Variants in FER observed in about 807,000 individuals in gnomAD.
FER encodes tyrosine-protein kinase Fer.
FER carries 63 observed loss-of-function variants against 111.0 expected under a neutral mutation model. That is an observed-to-expected ratio of 0.57 (90% confidence interval 0.46 to 0.70). FER has a LOEUF of 0.70. FER is among the 30% of genes least tolerant of loss of function. FER has a pLI of 0.00. For synonymous variants in FER, 327 were observed against 313.9 expected (o/e 1.04, Z -0.44); for missense variants, 914 against 954.0 (o/e 0.96, Z 0.55).
At position 109,142,914 on chromosome 5, in the gene FER, A is replaced by C. The variant is rs142862172; in HGVS notation, c.2049-37833A>C. Among the ~76,000 whole-genome samples the C allele has an allele frequency of 1.8e-3, 280 of 152,206 alleles. 1 individual carries two copies. The highest frequency in any genetic ancestry group is 6.2e-3 in the African/African-American group (256 of 41,532). On this transcript the variant is annotated intron_variant, in intron 17 of 19. Transcript: ENST00000281092. Reference sequence around the variant, plus strand: ...GTAGACGATACTGAGGAAGCCTAAAAATTTTACCTCTTCAATGTTAGGGAG... The same window carrying C: ...GTAGACGATACTGAGGAAGCCTAAACATTTTACCTCTTCAATGTTAGGGAG...
chr5:109,055,881 A>C (rs1212905497), intron 16 of FER, among the ~76,000 whole-genome samples: 1 of 151,670 alleles, frequency 6.6e-6, no homozygotes, highest in Non-Finnish European at 1.5e-5. Flanking sequence ...AAAAACAAAA[A>C]CAAAACAACA....
intron 9 of FER, among the ~76,000 whole-genome samples, chr5:108,890,523 T>C (rs1481179836): frequency 1.3e-5 from 2 of 152,062 alleles, no homozygotes; most frequent in Non-Finnish European, 2.9e-5. Context: ...GAAGCTTTAC[T>C]CTAGTCTCTG....
Position 108,959,232 on chromosome 5 carries a change from A to G in FER, c.1541A>G (p.Tyr514Cys), listed in dbSNP as rs1283057918. The change falls in exon 13 of 20, where the codon TAT (tyrosine) becomes TGT (cysteine). Residue 514 changes from tyrosine (Y) to cysteine (C), a missense_variant. Tyr to Cys is a radical substitution (Grantham distance 194). Coordinates refer to ENST00000281092, the MANE Select transcript of FER (RefSeq NM_005246.4). ...TTATTGTTCTCTCTCCAGAACATGT[A>G]TCGATTCGAGGGCACTGGGTTTTCA... ...HFIIQYVDNMYRFEGTGFSNI... is the reference protein window; with the variant it reads ...HFIIQYVDNMCRFEGTGFSNI... The G allele has an allele frequency of 1.2e-6, 2 of 1,611,420 alleles. No individual in the cohort carries two copies. The highest frequency in any genetic ancestry group is 1.7e-6 in the Non-Finnish European group (2 of 1,178,470).
chr5:108,749,052 G>A lies in FER; in HGVS notation c.-206+1052G>A, dbSNP rs538181880. The A allele has an allele frequency of 2.1e-3, 318 of 152,162 alleles. 1 individual carries two copies. Among genetic ancestry groups the A allele is most frequent in the Non-Finnish European group, 3.2e-3 (221 of 68,362 alleles). 9.4% of individuals were successfully genotyped at this position (152,162 alleles called of 1,614,324 possible). On this transcript the variant is annotated intron_variant, in intron 1 of 19. Transcript: ENST00000281092. ...TGTTGCCCGGGGCAACGCGGGGGGA[G>A]GGGGGAAGAGGAGGGAAGGCAAGCC...
chr5:109,029,256 T>A (rs1390183196), intron 13 of FER, among the ~76,000 whole-genome samples: 4 of 148,776 alleles, frequency 2.7e-5, no homozygotes, highest in East Asian at 3.9e-4. Flanking sequence ...TTTTTTTTTT[T>A]ATTATTATAC....
chr5:109,003,093 T>A (rs1263267685), intron 13 of FER, among the ~76,000 whole-genome samples: 3 of 152,164 alleles, frequency 2.0e-5, no homozygotes, highest in African/African-American at 7.2e-5. Context: ...GAAATACCAT[T>A]TGACCCAGCC....
In FER at chr5:109,196,053, A is replaced by G. The variant is rs1257676526; in HGVS notation, c.*8478A>G. 4.6e-5 allele frequency: 7 copies of G among 152,228 alleles called. No homozygotes were observed. Among genetic ancestry groups the G allele is most frequent in the African/African-American group, 1.7e-4 (7 of 41,454 alleles). The allele number at this position is 152,228 out of a possible 1,614,324, so 9.4% of individuals were successfully genotyped here. A position where few individuals can be genotyped will look rare whatever the true frequency, so the allele number is the denominator to read the frequency against. ...CATATGGGAAAGCCCAGATGAAAAAATGGAAGAATAAAATCAAGTTGTCAA... is the reference window on the plus strand; with the variant it reads ...CATATGGGAAAGCCCAGATGAAAAAGTGGAAGAATAAAATCAAGTTGTCAA... On this transcript the variant is annotated 3_prime_UTR_variant, in exon 20 of 20. Transcript: ENST00000281092.
chr5:108,890,499 T>C (rs1747861891), intron 9 of FER, among the ~76,000 whole-genome samples: 1 of 152,028 alleles, frequency 6.6e-6, no homozygotes, highest in Non-Finnish European at 1.5e-5. Flanking sequence ...ATCCTTGACA[T>C]TTCTTGGTTT....
At chr5:108,921,234 TTTG>T (rs564225655) in intron 10 of FER, among the ~76,000 whole-genome samples, 93 of 152,310 alleles carry the variant, frequency 6.1e-4, no homozygotes, top group African/African-American at 2.0e-3. Flanking sequence ...TTATTACTAT[TTTG>T]TTGGTTAGAA....
At chr5:108,867,090 A>G (rs1452066957) in intron 5 of FER, among the ~76,000 whole-genome samples, 2 of 152,052 alleles carry the variant, frequency 1.3e-5, no homozygotes, top group Non-Finnish European at 2.9e-5. Context: ...GCTTATCTCT[A>G]TGTAACTTTG....
chr5:108,966,012 C>A (rs944916333), intron 13 of FER, among the ~76,000 whole-genome samples: 1 of 152,164 alleles, frequency 6.6e-6, no homozygotes, highest in Non-Finnish European at 1.5e-5. Context: ...AAACTCTCAT[C>A]CTCTACCAGC....
chr5:108,868,023 G>A (rs1445217814), intron 6 of FER, 73 bp downstream of exon 6: 1 of 1,411,392 alleles, frequency 7.1e-7, no homozygotes, highest in Non-Finnish European at 9.7e-7. Flanking sequence ...TCTAGTTTAG[G>A]TGTTGCTTCA....
Position 109,146,272 on chromosome 5 carries a change from ATAT to A in FER, c.2049-34474_2049-34472del, listed in dbSNP as rs1561954086. Among the ~76,000 whole-genome samples, 52 of 53,214 alleles carry A rather than the reference ATAT, an allele frequency of 9.8e-4. 1 individual carries two copies. The highest frequency in any genetic ancestry group is 3.7e-3 in the African/African-American group (50 of 13,632). The allele number at this position is 53,214 out of a possible 152,430, so 34.9% of individuals were successfully genotyped here. ...CTATCTAATATATATATATATATAT[ATAT>A]ATATATATATATATATCTTGGGTAG... is the stretch of plus-strand genomic sequence containing the variant. On this transcript the variant is annotated intron_variant, in intron 17 of 19. Transcript: ENST00000281092.
At chr5:108,846,661 C>G (rs971455174) in intron 5 of FER, among the ~76,000 whole-genome samples, 1 of 152,038 alleles carries the variant, frequency 6.6e-6, no homozygotes, top group Admixed American at 6.5e-5. Context: ...CGGCCCACTG[C>G]GAGCTCTGCC....
intron 16 of FER, among the ~76,000 whole-genome samples, chr5:109,095,685 T>C (rs1286350047): frequency 1.3e-5 from 2 of 152,062 alleles, no homozygotes; most frequent in Admixed American, 1.3e-4. Flanking sequence ...TTCCCCGTCA[T>C]TTCTGATGGG....
At chr5:108,775,222 G>T (rs1423868355) in intron 2 of FER, among the ~76,000 whole-genome samples, 3 of 152,116 alleles carry the variant, frequency 2.0e-5, no homozygotes, top group African/African-American at 7.2e-5. Context: ...TGTTATTTCT[G>T]AGGTCCCTGT....
At chr5:109,015,206 C>A (rs1766907591) in intron 13 of FER, among the ~76,000 whole-genome samples, 1 of 151,938 alleles carries the variant, frequency 6.6e-6, no homozygotes, top group Non-Finnish European at 1.5e-5. Flanking sequence ...ATGTGCTAGC[C>A]CCTTTGCAGT....
Position 108,777,318 on chromosome 5 carries a change from GA to G in FER, c.-60+9083del, listed in dbSNP as rs1221976673. On this transcript the variant is annotated intron_variant, in intron 2 of 19. Coordinates refer to ENST00000281092, the MANE Select transcript of FER (RefSeq NM_005246.4). ...TTTTAAGTTAACAGCAAAATTTGGA[GA>G]AAGGTACAGAGATTTCCCACATACT... is the stretch of plus-strand genomic sequence containing the variant. Among the ~76,000 whole-genome samples, 4 of 152,162 alleles carry G rather than the reference GA, an allele frequency of 2.6e-5. No homozygotes were observed. The South Asian group carries it at 8.3e-4, about 32-fold the overall frequency.
intron 12 of FER, among the ~76,000 whole-genome samples, chr5:108,955,471 CTATT>C (rs1206487573): frequency 1.3e-5 from 2 of 151,778 alleles, no homozygotes; most frequent in East Asian, 3.9e-4. Flanking sequence ...AATTAAAAAT[CTATT>C]TACATTGATT....
Sources: gnomAD v4.1 joint callset for allele counts (sites outside exome capture counted in the v4.1 genomes callset) on GRCh38, gnomAD v4.1.1 for gene constraint, MANE v1.5 for transcripts, NCBI Gene and HGNC (gene_info 2026-07-23, HGNC 2026-07-21) for gene names.